The following SNX13 variants were observed in gnomAD, a reference collection of about 807,000 sequenced individuals.
SNX13 encodes sorting nexin 13.
In SNX13, 45 loss-of-function variants were observed where a neutral mutation model predicts 133.6. That is an observed-to-expected ratio of 0.34 (90% CI 0.27 to 0.43). SNX13 has a LOEUF of 0.43. SNX13 is among the 20% of genes least tolerant of loss of function. The pLI, the probability that SNX13 is intolerant of heterozygous loss-of-function variation, is 1.00. For synonymous variants in SNX13, 414 were observed against 373.9 expected (o/e 1.11, Z -1.24); for missense variants, 1,032 against 1,145.1 (o/e 0.90, Z 1.43).
chr7:17,921,889 T>G (rs1800164906), intron 1 of SNX13, among the ~76,000 whole-genome samples: 1 of 152,264 alleles, frequency 6.6e-6, no homozygotes, highest in Non-Finnish European at 1.5e-5. Flanking sequence ...TCAGGAATGC[T>G]GAATAACCTT....
At chr7:17,812,791 T>C (rs190630596) in intron 20 of SNX13, among the ~76,000 whole-genome samples, 21 of 152,284 alleles carry the variant, frequency 1.4e-4, no homozygotes, top group South Asian at 4.1e-4. Flanking sequence ...GTGGCACATA[T>C]ACACCATGGC....
chr7:17,885,058 T>C (rs55897901), intron 5 of SNX13, among the ~76,000 whole-genome samples: 3,149 of 152,320 alleles, frequency 0.021, 59 homozygotes, highest in Admixed American at 0.03. Flanking sequence ...ATACTCATAG[T>C]AGCATTATTC....
At chr7:17,799,193 C>T (rs759826191) in intron 22 of SNX13, 39 bp from the exon 23 acceptor site, 5 of 1,515,110 alleles carry the variant, frequency 3.3e-6, no homozygotes, top group Admixed American at 4.0e-5. Context: ...TTTGAGTTAG[C>T]TATCTACTAT....
At chr7:17,848,807 G>C (rs1165459109) in intron 11 of SNX13, among the ~76,000 whole-genome samples, 1 of 152,240 alleles carries the variant, frequency 6.6e-6, no homozygotes, top group Non-Finnish European at 1.5e-5. Context: ...AGAACAGCAG[G>C]CTGAGCAGTA....
At chr7:17,863,109 A>G (rs1792926782) in intron 9 of SNX13, among the ~76,000 whole-genome samples, 1 of 152,164 alleles carries the variant, frequency 6.6e-6, no homozygotes, top group African/African-American at 2.4e-5. Context: ...GAATTCCACT[A>G]GCACCCAGGG....
At chr7:17,923,455 C>T (rs185254398) in intron 1 of SNX13, among the ~76,000 whole-genome samples, 2 of 152,174 alleles carry the variant, frequency 1.3e-5, no homozygotes, top group Admixed American at 1.3e-4. Flanking sequence ...TGCCAAGTGA[C>T]TCTGTTAAGA....
chr7:17,830,400 T>A, intron 15 of SNX13: 2 of 984,348 alleles, frequency 2.0e-6, no homozygotes, highest in Non-Finnish European at 2.4e-6. Flanking sequence ...ATGAGGCCCA[T>A]TAGGAAACAC....
At chr7:17,883,723 C>A (rs933784722) in intron 5 of SNX13, among the ~76,000 whole-genome samples, 1 of 152,082 alleles carries the variant, frequency 6.6e-6, no homozygotes, top group Non-Finnish European at 1.5e-5. Context: ...CCCCTCACCC[C>A]CCAAGAGGCC....
chr7:17,841,724 A>G (rs1382640509), intron 12 of SNX13, among the ~76,000 whole-genome samples: 2 of 151,968 alleles, frequency 1.3e-5, no homozygotes, highest in Non-Finnish European at 1.5e-5. Flanking sequence ...TAAAACAACT[A>G]CCTTAAAGAT....
chr7:17,878,657 C>T (rs1311959614), intron 5 of SNX13, among the ~76,000 whole-genome samples: 1 of 152,122 alleles, frequency 6.6e-6, no homozygotes, highest in Non-Finnish European at 1.5e-5. Flanking sequence ...ATAAAGCAGT[C>T]AAATTTTTAA....
intron 1 of SNX13, among the ~76,000 whole-genome samples, chr7:17,920,221 G>A (rs1279489986): frequency 6.6e-6 from 1 of 151,934 alleles, no homozygotes; most frequent in Non-Finnish European, 1.5e-5. Flanking sequence ...AAAGCACATG[G>A]GTTTTAATTA....
intron 12 of SNX13, among the ~76,000 whole-genome samples, chr7:17,840,663 CA>C (rs1456387175): frequency 6.6e-6 from 1 of 151,838 alleles, no homozygotes; most frequent in Non-Finnish European, 1.5e-5. Flanking sequence ...TCCTTCAAAA[CA>C]AAACAAAGCT....
intron 8 of SNX13, among the ~76,000 whole-genome samples, chr7:17,871,942 A>C (rs1299160845): frequency 2.0e-5 from 3 of 152,188 alleles, no homozygotes; most frequent in Non-Finnish European, 2.9e-5. Context: ...CTAGATGATC[A>C]TACCACTTAC....
chr7:17,897,088 A>G (rs1192398208), intron 2 of SNX13, among the ~76,000 whole-genome samples: 1 of 152,116 alleles, frequency 6.6e-6, no homozygotes, highest in African/African-American at 2.4e-5. Context: ...ACACATTATC[A>G]CCAAAAAAAG....
chr7:17,930,621 C>T (rs561270620), intron 1 of SNX13, among the ~76,000 whole-genome samples: 3 of 152,256 alleles, frequency 2.0e-5, no homozygotes, highest in East Asian at 3.9e-4. Context: ...TTTTTCTAAA[C>T]CTTTATGCAA....
At chr7:17,902,354 G>A (rs1797930879) in intron 1 of SNX13, among the ~76,000 whole-genome samples, 1 of 149,466 alleles carries the variant, frequency 6.7e-6, no homozygotes, top group Non-Finnish European at 1.5e-5. Context: ...AATCAAGCAA[G>A]TGCAGTGCTA....
Position 17,914,966 on chromosome 7 carries a change from T to TTTACTAC in SNX13, c.13-17521_13-17520insGTAGTAA, listed in dbSNP as rs550725659. Among the ~76,000 whole-genome samples the TTTACTAC allele has an allele frequency of 1.2e-3, 183 of 152,208 alleles. 1 individual carries two copies. The highest frequency in any genetic ancestry group is 4.1e-3 in the African/African-American group (172 of 41,530). On this transcript the variant is annotated intron_variant, in intron 1 of 25. Coordinates refer to ENST00000428135, the MANE Select transcript of SNX13 (RefSeq NM_015132.5). ...ACAAAGACCCATTCTTTTACTACCT[T>TTTACTAC]TAAGAGACTCATCTCACATGTAATG...
chr7:17,844,904 A>C (rs774176179), intron 12 of SNX13, among the ~76,000 whole-genome samples: 8 of 152,096 alleles, frequency 5.3e-5, no homozygotes, highest in Admixed American at 2.0e-4. Context: ...AAAATAATAA[A>C]AGCTGTATCT....
At chr7:17,804,286 C>T (rs1784946152) in intron 20 of SNX13, among the ~76,000 whole-genome samples, 1 of 151,946 alleles carries the variant, frequency 6.6e-6, no homozygotes, top group African/African-American at 2.4e-5. Flanking sequence ...CAGTTCAAGG[C>T]AACAGTTAGG....
Sources: gnomAD v4.1 joint callset for allele counts (sites outside exome capture counted in the v4.1 genomes callset) on GRCh38, gnomAD v4.1.1 for gene constraint, MANE v1.5 for transcripts, NCBI Gene and HGNC (gene_info 2026-07-23, HGNC 2026-07-21) for gene names.